The following GARS1 variants were observed in gnomAD, a reference collection of about 807,000 sequenced individuals.
GARS1 encodes the protein glycine--tRNA ligase.
Under a neutral mutation model 86.4 loss-of-function variants are expected in GARS1, and 46 were observed. That is an observed-to-expected ratio of 0.53 (90% CI 0.42 to 0.68). The LOEUF is 0.68. GARS1 is among the 30% of genes least tolerant of loss of function. GARS1 has a pLI of 0.00. For missense variants in GARS1, 797 were observed against 915.6 expected (o/e 0.87, Z 1.67); for synonymous variants, 342 against 329.8 (o/e 1.04, Z -0.40).
At chr7:30,628,531 A>G in intron 13 of GARS1, 29 bp from the exon 14 acceptor site, 1 of 1,442,778 alleles carries the variant, frequency 6.9e-7, no homozygotes, top group Non-Finnish European at 9.8e-7. Flanking sequence ...ATTTGAGAGA[A>G]TGTTATTGAA....
chr7:30,614,406 A>G (rs1003356069), intron 8 of GARS1: 2 of 152,154 alleles, frequency 1.3e-5, no homozygotes, highest in African/African-American at 4.8e-5. Flanking sequence ...CCTGTCCCAC[A>G]TTGTAGATGT....
chr7:30,632,036 A>G lies in GARS1; in HGVS notation c.1904-211A>G. On this transcript the variant is annotated intron_variant, in intron 15 of 16. Transcript: ENST00000389266. This position sits in a 1 kb window ranked among gnomAD's most constrained non-coding sequence, Gnocchi z 4.1. ...TTGGTCCCATATTTGTTCCCCCTAT[A>G]GCTGTATCAGATGGAGGTATGAGTG... is the stretch of plus-strand genomic sequence containing the variant. 1 of 578,924 alleles carries G rather than the reference A, an allele frequency of 1.7e-6. No homozygotes were observed. Among genetic ancestry groups the G allele is most frequent in the Non-Finnish European group, 3.1e-6 (1 of 323,440 alleles). 35.9% of individuals were successfully genotyped at this position (578,924 alleles called of 1,614,324 possible).
At chr7:30,612,072 A>G (rs749132536) in intron 7 of GARS1, 24 bp from the exon 8 acceptor site, 7 of 1,601,798 alleles carry the variant, frequency 4.4e-6, no homozygotes, top group Non-Finnish European at 6.0e-6. Flanking sequence ...TCTTTGTAAC[A>G]GACTGACTTA....
At chr7:30,600,082 T>A (rs1394364010) in intron 3 of GARS1, 33 bp downstream of exon 3, 1 of 1,423,590 alleles carries the variant, frequency 7.0e-7, no homozygotes, top group South Asian at 1.1e-5. Flanking sequence ...AACTATTGTG[T>A]TGTTAGTGGC....
At chr7:30,628,173 TTTTTC>T (rs1263635450) in intron 13 of GARS1, among the ~76,000 whole-genome samples, 5 of 152,090 alleles carry the variant, frequency 3.3e-5, no homozygotes, top group Non-Finnish European at 5.9e-5. Flanking sequence ...GCTAAGAATT[TTTTTC>T]TTTTCTTTTC....
At chr7:30,595,657 A>T (rs1299851565) in intron 1 of GARS1, among the ~76,000 whole-genome samples, 1 of 152,128 alleles carries the variant, frequency 6.6e-6, no homozygotes, top group Admixed American at 6.5e-5. Context: ...GGATGCTTTG[A>T]TAGTGTTTCC....
chr7:30,597,160 A>G (rs1404148675), intron 1 of GARS1, among the ~76,000 whole-genome samples: 1 of 152,210 alleles, frequency 6.6e-6, no homozygotes, highest in Non-Finnish European at 1.5e-5. Flanking sequence ...ATGAGTGGTG[A>G]TATTAACAAA....
At chr7:30,596,724 A>G (rs1791255844) in intron 1 of GARS1, among the ~76,000 whole-genome samples, 1 of 152,210 alleles carries the variant, frequency 6.6e-6, no homozygotes, top group Non-Finnish European at 1.5e-5. Context: ...GTTAGTTTGG[A>G]TATTTTTTTC....
In GARS1 at chr7:30,632,474, A is replaced by T; in HGVS notation, c.2094+37A>T. 6.3e-7 allele frequency: 1 copy of T among 1,590,530 alleles called. No homozygotes were observed. Among genetic ancestry groups the T allele is most frequent in the Non-Finnish European group, 8.6e-7 (1 of 1,158,750 alleles). On this transcript the variant is annotated intron_variant, in intron 16 of 16. Coordinates refer to ENST00000389266, the MANE Select transcript of GARS1 (RefSeq NM_002047.4). The surrounding 1 kb of genome is among the most constrained non-coding windows in gnomAD (Gnocchi z 4.1). ...TCTCTTTGGCATTTTTAGCCTTAGA[A>T]ATGTGTACTGCTTCTTACTGATTTG...
chr7:30,594,966 T>TCTGCTG lies in GARS1; in HGVS notation c.56_61dup (p.Leu19_Leu20dup), dbSNP rs150213018. The TCTGCTG allele has an allele frequency of 6.5e-5, 104 of 1,593,314 alleles. No individual in the cohort carries two copies. The highest frequency in any genetic ancestry group is 8.3e-5 in the Non-Finnish European group (98 of 1,176,444). ...TGCTGCTTAGAGGTGCTCGCGCCGC[T>TCTGCTG]CTGCTGCTGCTGCTGCCGCCCCGGC... On this transcript the variant is annotated inframe_insertion, in exon 1 of 17. Coordinates refer to ENST00000389266, the MANE Select transcript of GARS1 (RefSeq NM_002047.4).
At chr7:30,606,489 C>T (rs1018947270) in intron 6 of GARS1, among the ~76,000 whole-genome samples, 3 of 152,086 alleles carry the variant, frequency 2.0e-5, no homozygotes, top group Non-Finnish European at 2.9e-5. Flanking sequence ...CAGAAATGCA[C>T]GAGTTCCTGC....
chr7:30,621,659 C>G, intron 11 of GARS1, 159 bp downstream of exon 11: 1 of 685,038 alleles, frequency 1.5e-6, no homozygotes, highest in Non-Finnish European at 2.6e-6. Flanking sequence ...CCCTTTGTTC[C>G]TTTCCTATTC....
rs553636445 is a variant in GARS1 at position 30,595,193 on chromosome 7, CCTT to C, written c.222+56_222+58del. 9.0e-3 allele frequency: 13,182 copies of C among 1,466,280 alleles called. 70 individuals carry two copies. Among genetic ancestry groups the C allele is most frequent in the Non-Finnish European group, 0.011 (11,695 of 1,082,902 alleles). The allele number at this position is 1,466,280 out of a possible 1,614,324, so 90.8% of individuals were successfully genotyped here. A position where few individuals can be genotyped will look rare whatever the true frequency, so the allele number is the denominator to read the frequency against. On this transcript the variant is annotated intron_variant, in intron 1 of 16. Coordinates refer to ENST00000389266, the MANE Select transcript of GARS1 (RefSeq NM_002047.4). ...TAAGCCTCCGGCTCTCCTCCCAGGG[CCTT>C]CTTCTGGTCATCCTTCCCTCCTCCC...
chr7:30,627,774 A>T (rs1405686510), intron 13 of GARS1, among the ~76,000 whole-genome samples: 2 of 152,260 alleles, frequency 1.3e-5, no homozygotes, highest in African/African-American at 2.4e-5. Context: ...CAAGATAACA[A>T]GCTAAAAAGT....
At chr7:30,612,856 G>T (rs1443119213) in intron 8 of GARS1, among the ~76,000 whole-genome samples, 2 of 152,118 alleles carry the variant, frequency 1.3e-5, no homozygotes, top group African/African-American at 2.4e-5. Context: ...AAGGCATATT[G>T]GGGCTGGTGA....
chr7:30,621,758 C>A (rs187948457), intron 11 of GARS1: 2 of 551,558 alleles, frequency 3.6e-6, no homozygotes, highest in Non-Finnish European at 6.4e-6. Context: ...TCTTTCAGAA[C>A]GTTAATAGTT....
At chr7:30,595,247 A>ACC (rs1791222088) in intron 1 of GARS1, 104 bp downstream of exon 1, 3 of 1,117,142 alleles carry the variant, frequency 2.7e-6, no homozygotes, top group Non-Finnish European at 3.9e-6. Flanking sequence ...CTCTTCGGTT[A>ACC]CCCCTTTCTT....
intron 15 of GARS1, 102 bp downstream of exon 15, chr7:30,631,643 G>T: frequency 1.3e-6 from 1 of 788,650 alleles, no homozygotes; most frequent in East Asian, 2.8e-5. Flanking sequence ...ACTGAATAAA[G>T]AATATAAATG....
At chr7:30,614,248 G>A (rs1166844338) in intron 8 of GARS1, 1 of 150,560 alleles carries the variant, frequency 6.6e-6, no homozygotes, top group Non-Finnish European at 1.5e-5. Flanking sequence ...TTTTAGTGGT[G>A]AGATCTACTT....
Sources: allele counts gnomAD v4.1 joint callset (sites outside exome capture counted in the v4.1 genomes callset), GRCh38; gene constraint gnomAD v4.1.1; non-coding constraint Gnocchi (gnomAD v3.1); transcripts MANE v1.5; gene names NCBI Gene and HGNC (gene_info 2026-07-23, HGNC 2026-07-21).